The following PTPRO variants were observed in gnomAD, a reference collection of about 807,000 sequenced individuals.
The protein encoded by PTPRO is receptor-type tyrosine-protein phosphatase O.
Under a neutral mutation model 145.2 loss-of-function variants are expected in PTPRO, and 62 were observed. The observed-to-expected ratio is 0.43, with a 90% CI of 0.35 to 0.53. The LOEUF is 0.53. Ranked by LOEUF, PTPRO falls within the 20% of genes least tolerant of loss-of-function variation. The pLI, the probability that PTPRO is intolerant of heterozygous loss-of-function variation, is 0.01. For missense variants in PTPRO, 1,345 were observed against 1,482.7 expected (o/e 0.91, Z 1.53); for synonymous variants, 565 against 514.7 (o/e 1.10, Z -1.32).
At chr12:15,408,329 T>C (rs1939702437) in intron 1 of PTPRO, among the ~76,000 whole-genome samples, 1 of 152,196 alleles carries the variant, frequency 6.6e-6, no homozygotes, top group South Asian at 2.1e-4. Context: ...TCATATCCTG[T>C]TTTGATAAAC....
chr12:15,496,998 G>C (rs1466094388), intron 2 of PTPRO, among the ~76,000 whole-genome samples: 1 of 152,078 alleles, frequency 6.6e-6, no homozygotes, highest in East Asian at 1.9e-4. Context: ...CTAGATCTCA[G>C]GACTGTTGCA....
Position 15,484,026 on chromosome 12 carries a change from C to T in PTPRO, c.128C>T (p.Ser43Leu), listed in dbSNP as rs761583283. ...CAAGATGATAATAACATCGTTGTCT[C>T]ATTAGAAGCTTCAGACGTCATCAGT... ...TVQDDNNIVVSLEASDVISPA... is the reference protein window; with the variant it reads ...TVQDDNNIVVLLEASDVISPA... The change falls in exon 2 of 27, where the codon TCA (serine) becomes TTA (leucine). Residue 43 changes from serine to leucine, a missense_variant. By Grantham distance (145) the Ser-to-Leu change is moderately radical (BLOSUM62 -2). This residue lies in a region of PTPRO where 1,130 missense variants were observed against 1,214.7 expected (regional missense o/e 0.93). Transcript: ENST00000281171. The T allele has an allele frequency of 3.1e-6, 5 of 1,613,668 alleles. No individual in the cohort carries two copies. The highest frequency in any genetic ancestry group is 1.1e-5 in the South Asian group (1 of 91,078).
chr12:15,457,761 T>G (rs998532375), intron 1 of PTPRO, among the ~76,000 whole-genome samples: 15 of 152,308 alleles, frequency 9.8e-5, no homozygotes, highest in Middle Eastern at 3.4e-3. Flanking sequence ...CCACATACTT[T>G]GTTATATTAT....
chr12:15,485,341 G>A (rs1361136680), intron 2 of PTPRO, among the ~76,000 whole-genome samples: 1 of 152,084 alleles, frequency 6.6e-6, no homozygotes, highest in African/African-American at 2.4e-5. Flanking sequence ...GAATTAAAGG[G>A]AGAACTTACC....
At chr12:15,436,300 GAC>G (rs1261954673) in intron 1 of PTPRO, among the ~76,000 whole-genome samples, 1 of 152,088 alleles carries the variant, frequency 6.6e-6, no homozygotes, top group Non-Finnish European at 1.5e-5. Context: ...AGGAAATAGA[GAC>G]ACAGAAAAAC....
At chr12:15,424,384 T>C (rs1388632308) in intron 1 of PTPRO, among the ~76,000 whole-genome samples, 1 of 152,174 alleles carries the variant, frequency 6.6e-6, no homozygotes, top group Non-Finnish European at 1.5e-5. Flanking sequence ...ATCTATTAAC[T>C]ACCATGGAAT....
At chr12:15,424,204 A>T (rs777257344) in intron 1 of PTPRO, among the ~76,000 whole-genome samples, 3 of 152,216 alleles carry the variant, frequency 2.0e-5, no homozygotes, top group African/African-American at 4.8e-5. Flanking sequence ...AGTGTATTCT[A>T]TTTTAAATTA....
intron 2 of PTPRO, 51 bp from the exon 3 acceptor site, chr12:15,497,194 C>A: frequency 2.7e-6 from 4 of 1,484,032 alleles, no homozygotes; most frequent in Non-Finnish European, 3.7e-6. Context: ...TGATATCGGC[C>A]TTTCTCTCTC....
At chr12:15,545,713 C>A (rs777469563) in intron 12 of PTPRO, among the ~76,000 whole-genome samples, 171 of 151,946 alleles carry the variant, frequency 1.1e-3, no homozygotes, top group Non-Finnish European at 1.5e-3. Context: ...ATCTTCCAAT[C>A]CCCTCCTATC....
At chr12:15,591,104 C>T (rs1944541495) in intron 25 of PTPRO, among the ~76,000 whole-genome samples, 1 of 152,188 alleles carries the variant, frequency 6.6e-6, no homozygotes, top group South Asian at 2.1e-4. Flanking sequence ...CGTAGTGGCT[C>T]ACAGCTGTAA....
chr12:15,480,790 GAC>G (rs375573679), intron 1 of PTPRO, among the ~76,000 whole-genome samples: 1 of 152,100 alleles, frequency 6.6e-6, no homozygotes, highest in Non-Finnish European at 1.5e-5. Flanking sequence ...CGGACGGACA[GAC>G]ACACACACAG....
chr12:15,335,737 ATG>A (rs1489540078), intron 1 of PTPRO, among the ~76,000 whole-genome samples: 2 of 152,082 alleles, frequency 1.3e-5, no homozygotes, highest in African/African-American at 4.8e-5. Flanking sequence ...CACCCTTATA[ATG>A]TGTCTCAGAT....
At chr12:15,578,462 A>G (rs1453433602) in intron 19 of PTPRO, among the ~76,000 whole-genome samples, 1 of 152,218 alleles carries the variant, frequency 6.6e-6, no homozygotes, top group African/African-American at 2.4e-5. Context: ...CAAAATCTCT[A>G]CAATAACATT....
chr12:15,382,575 C>T (rs1438544321), intron 1 of PTPRO, among the ~76,000 whole-genome samples: 1 of 152,222 alleles, frequency 6.6e-6, no homozygotes, highest in Non-Finnish European at 1.5e-5. Context: ...CCCTCCAAGA[C>T]AGGTGAGGCT....
chr12:15,437,029 T>G (rs905208041), intron 1 of PTPRO, among the ~76,000 whole-genome samples: 11 of 151,880 alleles, frequency 7.2e-5, no homozygotes, highest in Non-Finnish European at 1.6e-4. Context: ...GCTCCATTCC[T>G]AGGCAGAAAT....
intron 10 of PTPRO, among the ~76,000 whole-genome samples, chr12:15,524,157 T>TAA (rs34287474): frequency 0.32 from 41,047 of 128,866 alleles, 6,663 homozygotes; most frequent in Non-Finnish European, 0.35. Flanking sequence ...GCTTCGTGGC[T>TAA]AAAAAAAAAA....
At chr12:15,374,811 C>G (rs1476562758) in intron 1 of PTPRO, among the ~76,000 whole-genome samples, 1 of 152,120 alleles carries the variant, frequency 6.6e-6, no homozygotes, top group East Asian at 1.9e-4. Context: ...CCATAGAGGT[C>G]TTTGTAAAGC....
intron 23 of PTPRO, among the ~76,000 whole-genome samples, chr12:15,584,019 C>T (rs1944379265): frequency 2.0e-5 from 3 of 152,186 alleles, no homozygotes; most frequent in Admixed American, 2.0e-4. Flanking sequence ...GCTTAAGTGT[C>T]ACCCCCTTTG....
intron 1 of PTPRO, among the ~76,000 whole-genome samples, chr12:15,482,199 A>T (rs1941793594): frequency 6.6e-6 from 1 of 151,588 alleles, no homozygotes; most frequent in African/African-American, 2.4e-5. Context: ...GTGGAATATC[A>T]TTCAGCCTTA....
Sources: gnomAD v4.1 joint callset for allele counts (sites outside exome capture counted in the v4.1 genomes callset) on GRCh38, gnomAD v4.1.1 for gene constraint, gnomAD v4.1.1 regional missense constraint, MANE v1.5 for transcripts, NCBI Gene and HGNC (gene_info 2026-07-23, HGNC 2026-07-21) for gene names.